The following SCARB1 variants were observed in gnomAD, a reference collection of about 807,000 sequenced individuals.
SCARB1 encodes the protein CD36 and LIMPII analogous 1.
SCARB1 carries 30 observed loss-of-function variants against 57.2 expected under a neutral mutation model. The observed-to-expected ratio is 0.52, with a 90% CI of 0.39 to 0.71. The LOEUF is 0.71. Among genes scored for constraint, SCARB1 ranks in the 30% least tolerant of loss-of-function variants. The probability of loss-of-function intolerance (pLI) is 0.00; values close to 1 mark genes in which losing one functional copy is unlikely to be tolerated. For missense variants in SCARB1, 543 were observed against 671.2 expected, an observed-to-expected ratio of 0.81 and a Z score of 2.11; for synonymous variants, 249 against 268.3, an observed-to-expected ratio of 0.93 and a Z score of 0.70.
Position 124,852,335 on chromosome 12 carries a change from C to T in SCARB1, c.126+11260G>A, listed in dbSNP as rs568491217. 3.3e-5 allele frequency among the ~76,000 whole-genome samples: 5 copies of T among 152,358 alleles called. No homozygotes were observed. In the South Asian group the frequency reaches 6.2e-4, roughly 19 times the overall value. On this transcript the variant is annotated intron_variant, in intron 1 of 12. Transcript: ENST00000261693. ...CAGATGGAGTGTGTTAAGACTCAGG[C>T]CTACAATCTGTGGATGCATCCCAGG...
At chr12:124,781,206 C>T (rs1873407524) in intron 12 of SCARB1, among the ~76,000 whole-genome samples, 1 of 152,214 alleles carries the variant, frequency 6.6e-6, no homozygotes, top group African/African-American at 2.4e-5. Context: ...TCCTGCCTGC[C>T]CACCCCTTGG....
In SCARB1 at chr12:124,789,754, T is replaced by C. The variant is rs1346889632; in HGVS notation, c.1203-2297A>G. On this transcript the variant is annotated intron_variant, in intron 9 of 12. Coordinates refer to ENST00000261693, the MANE Select transcript of SCARB1 (RefSeq NM_005505.5). The surrounding 1 kb of genome is among the most constrained non-coding windows in gnomAD (Gnocchi z 4.4). ...GGGCTGGGGCGTGGTGGCTCACGCC[T>C]GTAATCCCAGCACTTTGGGAGGCCG... Among the ~76,000 whole-genome samples, 1 of 152,244 alleles carries C rather than the reference T, an allele frequency of 6.6e-6. No homozygotes were observed. Among genetic ancestry groups the C allele is most frequent in the South Asian group, 2.1e-4 (1 of 4,834 alleles).
chr12:124,805,466 T>C (rs1950288878), intron 7 of SCARB1, among the ~76,000 whole-genome samples: 1 of 151,478 alleles, frequency 6.6e-6, no homozygotes, highest in Non-Finnish European at 1.5e-5. Flanking sequence ...GAGAGGCCGG[T>C]AGGGGCTGGA....
chr12:124,854,256 G>A lies in SCARB1; in HGVS notation c.126+9339C>T, dbSNP rs560938401. ...GAACAGAGACCTACGGGAGATGAGA[G>A]GGCTTGTGTCAGGAGAGCTAAGGCG... On this transcript the variant is annotated intron_variant, in intron 1 of 12. Coordinates refer to ENST00000261693, the MANE Select transcript of SCARB1 (RefSeq NM_005505.5). 1.1e-3 allele frequency among the ~76,000 whole-genome samples: 172 copies of A among 152,360 alleles called. 2 individuals are homozygous for A. The highest frequency in any genetic ancestry group is 4.0e-3 in the African/African-American group (167 of 41,588).
intron 8 of SCARB1, among the ~76,000 whole-genome samples, chr12:124,798,670 C>T (rs1950030168): frequency 6.6e-6 from 1 of 151,790 alleles, no homozygotes; most frequent in Non-Finnish European, 1.5e-5. Flanking sequence ...TGGCAAAACC[C>T]TGTGTCTACT....
intron 1 of SCARB1, among the ~76,000 whole-genome samples, chr12:124,829,862 C>T (rs967907661): frequency 2.0e-5 from 3 of 152,206 alleles, no homozygotes; most frequent in South Asian, 4.1e-4. Flanking sequence ...CTTCCCCCAT[C>T]ACATTATATT....
intron 12 of SCARB1, among the ~76,000 whole-genome samples, chr12:124,781,786 T>C (rs1269429375): frequency 6.6e-6 from 1 of 152,250 alleles, no homozygotes; most frequent in Admixed American, 6.5e-5. Flanking sequence ...TTTGTTTGTT[T>C]GTGCTCAATC....
rs117794015 is a variant in SCARB1, at chr12:124,837,010, C to T, written c.127-19303G>A. On this transcript the variant is annotated intron_variant, in intron 1 of 12. Transcript: ENST00000261693. ...GTGGCAAGTAAGGAGCTCAGACCAGCGAAGAGAATGCTGGAAGGTGCATAC... is the reference window on the plus strand; with the variant it reads ...GTGGCAAGTAAGGAGCTCAGACCAGTGAAGAGAATGCTGGAAGGTGCATAC... 6.4e-4 allele frequency among the ~76,000 whole-genome samples: 97 copies of T among 152,200 alleles called. 4 individuals are homozygous for T. In the East Asian group the frequency reaches 0.015, roughly 24 times the overall value.
At position 124,834,907 on chromosome 12, in the gene SCARB1, A is replaced by C. The variant is rs554440318; in HGVS notation, c.127-17200T>G. Among the ~76,000 whole-genome samples the C allele has an allele frequency of 9.9e-5, 15 of 151,966 alleles. No homozygotes were observed. In the East Asian group the frequency reaches 2.3e-3, roughly 24 times the overall value. ...TGCACAACAGAGCAAGACCCTGTCC[A>C]CCCCCCCAAAAAAAAGGCGGTCTCC... On this transcript the variant is annotated intron_variant, in intron 1 of 12. Coordinates refer to ENST00000261693, the MANE Select transcript of SCARB1 (RefSeq NM_005505.5).
intron 9 of SCARB1, among the ~76,000 whole-genome samples, chr12:124,794,396 A>ATTTTTTT (rs1949854552): frequency 7.6e-6 from 1 of 132,342 alleles, no homozygotes; most frequent in African/African-American, 3.1e-5. Flanking sequence ...GTGCTTGAAA[A>ATTTTTTT]ATTCTTTTTT....
chr12:124,812,055 C>G lies in SCARB1; in HGVS notation c.631-90G>C, dbSNP rs532003403. 1,789 of 968,812 alleles carry G rather than the reference C, an allele frequency of 1.8e-3. 29 individuals are homozygous for G. In the South Asian group the frequency reaches 0.023, roughly 12 times the overall value. The allele number at this position is 968,812 out of a possible 1,614,324, so 60.0% of individuals were successfully genotyped here. On this transcript the variant is annotated intron_variant, in intron 4 of 12. Coordinates refer to ENST00000261693, the MANE Select transcript of SCARB1 (RefSeq NM_005505.5). The surrounding 1 kb of genome is among the most constrained non-coding windows in gnomAD (Gnocchi z 4.3). ...ACATTCTGGGCTGAGCCCTCCTCCCCCTCCACCAGAAGGACAGGGCCCCCA... is the reference window on the plus strand; with the variant it reads ...ACATTCTGGGCTGAGCCCTCCTCCCGCTCCACCAGAAGGACAGGGCCCCCA...
chr12:124,778,670 C>T, intron 12 of SCARB1, 84 bp from the exon 13 acceptor site: 5 of 1,281,704 alleles, frequency 3.9e-6, no homozygotes, highest in Non-Finnish European at 5.0e-6. Flanking sequence ...AGCCCTGTAC[C>T]CACATCCCCA....
At chr12:124,801,135 G>A (rs1418442234) in intron 7 of SCARB1, among the ~76,000 whole-genome samples, 1 of 152,176 alleles carries the variant, frequency 6.6e-6, no homozygotes, top group East Asian at 1.9e-4. Flanking sequence ...AGAGGTTGAG[G>A]CTACAGTGAG....
At chr12:124,837,578 GAAAAGAAAAGAAAAGA>G (rs767808413) in intron 1 of SCARB1, among the ~76,000 whole-genome samples, 17,784 of 40,420 alleles carry the variant, frequency 0.44, 2,344 homozygotes, top group Admixed American at 0.58. Context: ...GAAAAGAAAA[GAAAAGAAAAGAAAAGA>G]AAAGTCAGCC....
rs996890596 is a variant in SCARB1, at chr12:124,812,480, C to T, written c.631-515G>A. On this transcript the variant is annotated intron_variant, in intron 4 of 12. Transcript: ENST00000261693. The surrounding 1 kb of genome is among the most constrained non-coding windows in gnomAD (Gnocchi z 4.3). ...GGGTGCCCCAGTCACCCACACTGGA[C>T]GTGGAGTGCAAGCAAAGGAATAAGT... 5.3e-5 allele frequency among the ~76,000 whole-genome samples: 8 copies of T among 152,178 alleles called. No homozygotes were observed. The highest frequency in any genetic ancestry group is 2.1e-4 in the South Asian group (1 of 4,824).
At chr12:124,846,203 G>A (rs1952143462) in intron 1 of SCARB1, among the ~76,000 whole-genome samples, 1 of 152,106 alleles carries the variant, frequency 6.6e-6, no homozygotes, top group Non-Finnish European at 1.5e-5. Context: ...GATTTACAAG[G>A]ATTAATTATA....
chr12:124,847,276 G>T (rs185419758), intron 1 of SCARB1, among the ~76,000 whole-genome samples: 1 of 152,366 alleles, frequency 6.6e-6, no homozygotes, highest in Admixed American at 6.5e-5. Flanking sequence ...AAGGACAGGG[G>T]AGACTTGGCT....
At chr12:124,838,482 C>G (rs1316540261) in intron 1 of SCARB1, among the ~76,000 whole-genome samples, 1 of 152,140 alleles carries the variant, frequency 6.6e-6, no homozygotes, top group Non-Finnish European at 1.5e-5. Flanking sequence ...GGCTCCAGTT[C>G]AAGAACACGT....
At chr12:124,792,721 CAAAAAA>C (rs930596389) in intron 9 of SCARB1, among the ~76,000 whole-genome samples, 1 of 31,726 alleles carries the variant, frequency 3.2e-5, no homozygotes. Context: ...GACTTCGTCT[CAAAAAA>C]AAAAAAAAAA....
Sources: gnomAD v4.1 joint callset for allele counts (sites outside exome capture counted in the v4.1 genomes callset) on GRCh38, gnomAD v4.1.1 for gene constraint, Gnocchi (gnomAD v3.1) non-coding constraint, MANE v1.5 for transcripts, NCBI Gene and HGNC (gene_info 2026-07-23, HGNC 2026-07-21) for gene names.